ZNF644: variants seen among roughly 807,000 people sequenced by gnomAD.
ZNF644 encodes the protein zinc finger motif enhancer binding protein 2.
A neutral mutation model predicts 108.0 loss-of-function variants in ZNF644; 20 were observed. The ratio of observed to expected loss-of-function variants is 0.19; its 90% CI spans 0.13 to 0.27. The LOEUF (loss-of-function observed/expected upper bound fraction) is 0.27. ZNF644 is among the 10% of genes least tolerant of loss of function. The pLI, the probability that ZNF644 is intolerant of heterozygous loss-of-function variation, is 1.00. For missense variants in ZNF644, 1,338 were observed against 1,548.9 expected, an observed-to-expected ratio of 0.86 and a Z score of 2.29; for synonymous variants, 542 against 539.1, an observed-to-expected ratio of 1.01 and a Z score of -0.08.
intron 2 of ZNF644, among the ~76,000 whole-genome samples, chr1:90,944,434 T>C (rs939792749): frequency 6.6e-6 from 1 of 152,190 alleles, no homozygotes; most frequent in African/African-American, 2.4e-5. Flanking sequence ...TAAATATTGT[T>C]AAAATATAAA....
At chr1:90,930,268 T>G (rs2100862164) in intron 4 of ZNF644, among the ~76,000 whole-genome samples, 1 of 152,174 alleles carries the variant, frequency 6.6e-6, no homozygotes, top group Non-Finnish European at 1.5e-5. Flanking sequence ...CCTGGGCAAC[T>G]AGAGTGAAAC....
At chr1:90,959,158 G>A (rs1654065159) in intron 2 of ZNF644, among the ~76,000 whole-genome samples, 1 of 152,068 alleles carries the variant, frequency 6.6e-6, no homozygotes, top group African/African-American at 2.4e-5. Flanking sequence ...ATAAAAAGAC[G>A]TTCAACATCG....
At chr1:90,994,091 T>C (rs1414290797) in intron 1 of ZNF644, among the ~76,000 whole-genome samples, 1 of 151,918 alleles carries the variant, frequency 6.6e-6, no homozygotes, top group East Asian at 1.9e-4. Flanking sequence ...AGATGTAGAA[T>C]GCTTCTTAGT....
chr1:91,009,252 TATACTAA>T (rs1659721632), intron 1 of ZNF644, among the ~76,000 whole-genome samples: 3 of 152,208 alleles, frequency 2.0e-5, no homozygotes, highest in African/African-American at 7.2e-5. Flanking sequence ...ATGTAAATGT[TATACTAA>T]AACGTGGTAT....
In ZNF644 at chr1:90,965,765, T is replaced by C. The variant is rs375492569; in HGVS notation, c.44+16545A>G. ...ATCTCCCACTAACTCTCTCTTTTTT[T>C]TGAGATGGAGTTTCGCTCTTGTTGC... On this transcript the variant is annotated intron_variant, in intron 2 of 5. Coordinates refer to ENST00000337393, the MANE Select transcript of ZNF644 (RefSeq NM_201269.3). Among the ~76,000 whole-genome samples the C allele has an allele frequency of 4.6e-5, 7 of 152,302 alleles. No homozygotes were observed. The South Asian group carries it at 6.2e-4, about 14-fold the overall frequency.
At chr1:90,951,962 T>C (rs776901870) in intron 2 of ZNF644, among the ~76,000 whole-genome samples, 4 of 152,078 alleles carry the variant, frequency 2.6e-5, no homozygotes, top group Admixed American at 6.5e-5. Flanking sequence ...GCAAAGCACA[T>C]AATAGGAAAA....
At chr1:90,925,226 A>C (rs2100818225) in intron 4 of ZNF644, among the ~76,000 whole-genome samples, 1 of 152,282 alleles carries the variant, frequency 6.6e-6, no homozygotes, top group East Asian at 1.9e-4. Context: ...AATTGTTTAA[A>C]CTAGGCATTC....
In ZNF644 at chr1:90,939,006, T is replaced by A; in HGVS notation, c.2348A>T (p.Asn783Ile). ...CTTATGAGGGTCTGAAATAAAATTG[T>A]TGTGAGAATTACTTGATGATGAAAA... ...HLFSSSSNSH[N>I]NFISDPHKPD... is the part of the protein sequence containing the mutation. The change falls in exon 3 of 6, where the codon AAC (asparagine) becomes ATC (isoleucine). Residue 783 changes from asparagine (N) to isoleucine (I), a missense_variant. By Grantham distance (149) the Asn-to-Ile change is moderately radical (BLOSUM62 -3). Coordinates refer to ENST00000337393, the MANE Select transcript of ZNF644 (RefSeq NM_201269.3). 6.2e-7 allele frequency: 1 copy of A among 1,614,050 alleles called. No individual in the cohort carries two copies. Among genetic ancestry groups the A allele is most frequent in the Non-Finnish European group, 8.5e-7 (1 of 1,179,936 alleles).
chr1:90,958,493 A>C (rs2101106213), intron 2 of ZNF644, among the ~76,000 whole-genome samples: 1 of 152,162 alleles, frequency 6.6e-6, no homozygotes, highest in Middle Eastern at 3.4e-3. Flanking sequence ...CTCATATGGA[A>C]CTGAACGAGT....
At chr1:90,996,451 T>G (rs553726836) in intron 1 of ZNF644, among the ~76,000 whole-genome samples, 1 of 152,302 alleles carries the variant, frequency 6.6e-6, no homozygotes, top group East Asian at 1.9e-4. Context: ...CATCTTATCT[T>G]GCCCTATTCC....
rs754825799 is a variant in ZNF644, at chr1:90,940,466, A to C, written c.888T>G (p.Asp296Glu). The C allele has an allele frequency of 1.9e-6, 3 of 1,613,630 alleles. No homozygotes were observed. Among genetic ancestry groups the C allele is most frequent in the Admixed American group, 1.7e-5 (1 of 59,934 alleles). Residue 296 changes from aspartate (D) to glutamate (E), a missense_variant, in exon 3 of 6, where the codon GAT (aspartate) becomes GAG (glutamate). Transcript: ENST00000337393. ...CGGTATAACGAGTTATCTTGCTTAC[A>C]TCCATTTTTCGCTTTCTTTTTTTTT... ...GLEKKRKRKM[D>E]VSKITRYTED...
At chr1:90,970,078 A>C (rs919001770) in intron 2 of ZNF644, among the ~76,000 whole-genome samples, 3 of 152,256 alleles carry the variant, frequency 2.0e-5, no homozygotes, top group Non-Finnish European at 4.4e-5. Context: ...CAGTTTAGAC[A>C]TAAGAACAAG....
chr1:90,926,147 T>C (rs963577064), intron 4 of ZNF644, among the ~76,000 whole-genome samples: 6 of 152,194 alleles, frequency 3.9e-5, no homozygotes, highest in Non-Finnish European at 2.9e-5. Flanking sequence ...CAGCATTCCT[T>C]ACTGATAAGA....
At chr1:90,942,964 T>C (rs540628531) in intron 2 of ZNF644, among the ~76,000 whole-genome samples, 2 of 152,292 alleles carry the variant, frequency 1.3e-5, no homozygotes, top group East Asian at 3.9e-4. Context: ...GAATGAAGCC[T>C]GTATATTTTT....
rs544040597 is a variant in ZNF644, at chr1:90,964,141, A to C, written c.44+18169T>G. Among the ~76,000 whole-genome samples the C allele has an allele frequency of 1.1e-4, 16 of 152,168 alleles. 1 individual carries two copies. In the South Asian group the frequency reaches 3.3e-3, roughly 32 times the overall value. Reference sequence around the variant, plus strand: ...ACAGTATCTTTAAAAGGGCTGCTTGATTTTTCAATATGCTGCAGGAAGACA... The same window carrying C: ...ACAGTATCTTTAAAAGGGCTGCTTGCTTTTTCAATATGCTGCAGGAAGACA... On this transcript the variant is annotated intron_variant, in intron 2 of 5. Transcript: ENST00000337393.
At chr1:90,929,697 T>C (rs1650498326) in intron 4 of ZNF644, among the ~76,000 whole-genome samples, 1 of 152,198 alleles carries the variant, frequency 6.6e-6, no homozygotes, top group South Asian at 2.1e-4. Flanking sequence ...AGAATGACTT[T>C]TCTAGTGGCT....
At chr1:90,977,866 T>C (rs143696734) in intron 2 of ZNF644, among the ~76,000 whole-genome samples, 1 of 152,276 alleles carries the variant, frequency 6.6e-6, no homozygotes, top group East Asian at 1.9e-4. Flanking sequence ...GTGGTAAATA[T>C]ATGGAAAAAT....
At chr1:90,965,820 G>C (rs976653410) in intron 2 of ZNF644, among the ~76,000 whole-genome samples, 8 of 152,068 alleles carry the variant, frequency 5.3e-5, no homozygotes, top group African/African-American at 1.9e-4. Context: ...CATGATCTCG[G>C]CTCACTGATA....
chr1:90,997,682 C>A (rs2101638382), intron 1 of ZNF644, among the ~76,000 whole-genome samples: 1 of 152,296 alleles, frequency 6.6e-6, no homozygotes, highest in Non-Finnish European at 1.5e-5. Flanking sequence ...CCGGGTTCAT[C>A]TCACTGGGGA....
Sources: gnomAD v4.1 joint callset for allele counts (sites outside exome capture counted in the v4.1 genomes callset) on GRCh38, gnomAD v4.1.1 for gene constraint, MANE v1.5 for transcripts, NCBI Gene and HGNC (gene_info 2026-07-23, HGNC 2026-07-21) for gene names.